Variants in TMEM196 observed in about 807,000 individuals in gnomAD.
TMEM196 encodes transmembrane protein 196.
A neutral mutation model predicts 20.0 loss-of-function variants in TMEM196; 17 were observed. The ratio of observed to expected loss-of-function variants is 0.85; its 90% confidence interval spans 0.58 to 1.27. TMEM196 has a LOEUF of 1.27. Ranked by LOEUF, TMEM196 falls within the 50% of genes most tolerant of loss-of-function variation. TMEM196 has a pLI of 0.00. For missense variants in TMEM196, 267 were observed against 223.0 expected (o/e 1.20, Z -1.26); for synonymous variants, 113 against 88.9 (o/e 1.27, Z -1.52).
At chr7:19,722,854 TG>T (rs1424331279) in intron 4 of TMEM196, among the ~76,000 whole-genome samples, 1 of 152,206 alleles carries the variant, frequency 6.6e-6, no homozygotes, top group Non-Finnish European at 1.5e-5. Context: ...TTAATTCATA[TG>T]TTTTGTTAAA....
intron 1 of TMEM196, among the ~76,000 whole-genome samples, chr7:19,761,202 A>T (rs1228674991): frequency 6.6e-6 from 1 of 152,200 alleles, no homozygotes; most frequent in African/African-American, 2.4e-5. Flanking sequence ...AGCATAGCGT[A>T]CATCTTCAAA....
chr7:19,750,309 A>T (rs563661185), intron 1 of TMEM196, among the ~76,000 whole-genome samples: 2 of 152,242 alleles, frequency 1.3e-5, no homozygotes, highest in African/African-American at 4.8e-5. Context: ...CAATGTAAGC[A>T]TATATCAAAA....
At chr7:19,761,059 A>G (rs1187903178) in intron 1 of TMEM196, among the ~76,000 whole-genome samples, 2 of 152,118 alleles carry the variant, frequency 1.3e-5, no homozygotes, top group East Asian at 3.9e-4. Context: ...CATCTTCATA[A>G]GCCTAATCCC....
At chr7:19,753,762 T>A (rs1785085589) in intron 1 of TMEM196, among the ~76,000 whole-genome samples, 1 of 152,212 alleles carries the variant, frequency 6.6e-6, no homozygotes, top group South Asian at 2.1e-4. Flanking sequence ...TCCTCATAGT[T>A]GGACCAAGCC....
At chr7:19,749,917 C>A (rs1486133759) in intron 1 of TMEM196, among the ~76,000 whole-genome samples, 1 of 152,194 alleles carries the variant, frequency 6.6e-6, no homozygotes, top group Admixed American at 6.5e-5. Flanking sequence ...TCATTCCTTG[C>A]TTGACAAGTT....
rs540791900 is a variant in TMEM196 at position 19,772,537 on chromosome 7, C to T, written c.147+13G>A. The T allele has an allele frequency of 6.5e-7, 1 of 1,537,304 alleles. No homozygotes were observed. The highest frequency in any genetic ancestry group is 1.2e-5 in the South Asian group (1 of 82,246). ...AGTGAAATGGCTCAACGTACACACA[C>T]CCCGCTCCATACCGGGGACGAGTCT... On this transcript the variant is annotated intron_variant, in intron 1 of 4. Transcript: ENST00000405844.
chr7:19,763,849 G>C (rs567390221), intron 1 of TMEM196, among the ~76,000 whole-genome samples: 153 of 152,206 alleles, frequency 1.0e-3, no homozygotes, highest in Non-Finnish European at 1.7e-3. Flanking sequence ...AACTCCATGA[G>C]ATAAGTGATA....
intron 1 of TMEM196, among the ~76,000 whole-genome samples, chr7:19,739,623 C>A (rs1051070732): frequency 1.5e-4 from 23 of 151,814 alleles, no homozygotes; most frequent in Admixed American, 5.3e-4. Context: ...GACTAATTTC[C>A]CTAATGTAAA....
intron 4 of TMEM196, among the ~76,000 whole-genome samples, chr7:19,723,418 A>C (rs1167604682): frequency 6.6e-6 from 1 of 152,204 alleles, no homozygotes; most frequent in East Asian, 1.9e-4. Context: ...GAAATGATAA[A>C]AAGTGAATCT....
At chr7:19,743,633 A>G (rs1476137532) in intron 1 of TMEM196, among the ~76,000 whole-genome samples, 2 of 152,184 alleles carry the variant, frequency 1.3e-5, no homozygotes, top group Non-Finnish European at 2.9e-5. Flanking sequence ...TCCAAACTCT[A>G]TGGGAAATCA....
intron 2 of TMEM196, among the ~76,000 whole-genome samples, chr7:19,726,192 G>A: frequency 6.6e-6 from 1 of 152,076 alleles, no homozygotes; most frequent in East Asian, 1.9e-4. Context: ...ATACGTTTTA[G>A]AAAAATGAAT....
intron 1 of TMEM196, among the ~76,000 whole-genome samples, chr7:19,748,809 A>G (rs1784856717): frequency 6.6e-6 from 1 of 152,246 alleles, no homozygotes; most frequent in Non-Finnish European, 1.5e-5. Flanking sequence ...GGTAGAGACA[A>G]TATTTGCCTT....
At chr7:19,747,116 G>T (rs962393192) in intron 1 of TMEM196, among the ~76,000 whole-genome samples, 1 of 150,808 alleles carries the variant, frequency 6.6e-6, no homozygotes, top group East Asian at 1.9e-4. Flanking sequence ...TTAGCCGGGC[G>T]TAGTGGCGGG....
chr7:19,772,004 A>G (rs1266372520), intron 1 of TMEM196, among the ~76,000 whole-genome samples: 2 of 152,200 alleles, frequency 1.3e-5, no homozygotes, highest in Non-Finnish European at 2.9e-5. Flanking sequence ...AAATGCACCC[A>G]CAAACTTCCT....
intron 1 of TMEM196, among the ~76,000 whole-genome samples, chr7:19,768,060 G>A (rs1372160319): frequency 1.3e-5 from 2 of 152,022 alleles, no homozygotes; most frequent in Non-Finnish European, 2.9e-5. Flanking sequence ...AGGTATGTGT[G>A]TTGGCTATGC....
At position 19,724,327 on chromosome 7, in the gene TMEM196, G is replaced by A; in HGVS notation, c.486C>T (p.Asp162=). 1 of 1,550,366 alleles carries A rather than the reference G, an allele frequency of 6.5e-7. No homozygotes were observed. The highest frequency in any genetic ancestry group is 2.0e-5 in the Admixed American group (1 of 50,988). Residue 162 remains aspartate (D), a synonymous_variant, in exon 4 of 5, where the codon GAC becomes GAT. Coordinates refer to ENST00000405844, the MANE Select transcript of TMEM196 (RefSeq NM_001363562.2). ...GGGGCACCACCGGGCAGCTGGGCAA[G>A]TCGGTTATTTCAATAGCCCTCAATC... ...EKRLRAIEIT[D]LPSCPVVPPT...
chr7:19,736,316 C>T (rs1441582765), intron 1 of TMEM196, among the ~76,000 whole-genome samples: 1 of 135,030 alleles, frequency 7.4e-6, no homozygotes, highest in Non-Finnish European at 1.6e-5. Context: ...TTATGTGCTT[C>T]GTTTCATTTG....
In TMEM196 at chr7:19,725,884, G is replaced by A. The variant is rs930987771; in HGVS notation, c.205-116C>T. ...TAGCCTACAATAAAGAAGAATAAGC[G>A]GTTTTGGTGCTTCACAGAGGACAGG... On this transcript the variant is annotated intron_variant, in intron 2 of 4. Coordinates refer to ENST00000405844, the MANE Select transcript of TMEM196 (RefSeq NM_001363562.2). The A allele has an allele frequency of 2.9e-5, 37 of 1,281,828 alleles. No individual in the cohort carries two copies. In the East Asian group the frequency reaches 4.8e-4, roughly 17 times the overall value. The allele number at this position is 1,281,828 out of a possible 1,614,324, so 79.4% of individuals were successfully genotyped here. A position where few individuals can be genotyped will look rare whatever the true frequency, so the allele number is the denominator to read the frequency against.
chr7:19,758,555 A>G (rs1318648477), intron 1 of TMEM196, among the ~76,000 whole-genome samples: 1 of 152,240 alleles, frequency 6.6e-6, no homozygotes, highest in Non-Finnish European at 1.5e-5. Context: ...CTAGTTCTAC[A>G]GCTAGCCAGC....
Sources: allele counts gnomAD v4.1 joint callset (sites outside exome capture counted in the v4.1 genomes callset), GRCh38; gene constraint gnomAD v4.1.1; transcripts MANE v1.5; gene names NCBI Gene and HGNC (gene_info 2026-07-23, HGNC 2026-07-21).